The following XKR9 variants were observed in gnomAD, a reference collection of about 807,000 sequenced individuals.
The protein encoded by XKR9 is XK related 9.
In XKR9, 32 loss-of-function variants were observed where a neutral mutation model predicts 32.0. That is an observed-to-expected ratio of 1.00 (90% CI 0.76 to 1.34). The LOEUF (loss-of-function observed/expected upper bound fraction) is 1.34. Ranked by LOEUF, XKR9 falls within the 40% of genes most tolerant of loss-of-function variation. The pLI is 0.00. For synonymous variants in XKR9, 168 were observed against 143.4 expected (o/e 1.17, Z -1.22); for missense variants, 546 against 429.7 (o/e 1.27, Z -2.39).
the XKR9 span, among the ~76,000 whole-genome samples, chr8:71,049,812 C>A: frequency 6.6e-6 from 1 of 151,988 alleles, no homozygotes; most frequent in Non-Finnish European, 1.5e-5. Context: ...GGGAGGGCCT[C>A]CCAGGCAAGA....
At chr8:70,731,034 A>G (rs1458607912) in intron 4 of XKR9, among the ~76,000 whole-genome samples, 1 of 152,192 alleles carries the variant, frequency 6.6e-6, no homozygotes, top group African/African-American at 2.4e-5. Context: ...TCCCACAGCA[A>G]AGTTTGTAAC....
the XKR9 span, among the ~76,000 whole-genome samples, chr8:71,050,754 T>C: frequency 4.6e-5 from 7 of 152,242 alleles, no homozygotes; most frequent in East Asian, 1.2e-3. Flanking sequence ...GCGTAGTAAA[T>C]GAAATCTACT....
chr8:70,755,956 A>G (rs377081851), intron 2 of XKR9, among the ~76,000 whole-genome samples: 1 of 152,172 alleles, frequency 6.6e-6, no homozygotes, highest in African/African-American at 2.4e-5. Context: ...CAAAAAGGTC[A>G]TAAAGATTTG....
chr8:70,969,047 C>A, the XKR9 span, among the ~76,000 whole-genome samples: 1 of 152,154 alleles, frequency 6.6e-6, no homozygotes, highest in Non-Finnish European at 1.5e-5. Context: ...AGACAGAGTA[C>A]AATTTCATAA....
At chr8:70,780,666 C>CAGAACTATG (rs1453777012) in intron 2 of XKR9, among the ~76,000 whole-genome samples, 1 of 152,192 alleles carries the variant, frequency 6.6e-6, no homozygotes, top group African/African-American at 2.4e-5. Flanking sequence ...TTCTAGCCTC[C>CAGAACTATG]AGAACTATGA....
the XKR9 span, among the ~76,000 whole-genome samples, chr8:70,931,111 T>G: frequency 6.6e-6 from 1 of 150,926 alleles, no homozygotes; most frequent in Non-Finnish European, 1.5e-5. Context: ...ATAGTTGAAC[T>G]ATTTTGAAGA....
chr8:70,860,229 G>A, the XKR9 span, among the ~76,000 whole-genome samples: 2 of 152,060 alleles, frequency 1.3e-5, no homozygotes, highest in Non-Finnish European at 2.9e-5. Flanking sequence ...TTTGGAGGTG[G>A]GGCCTTTGAG....
intron 4 of XKR9, among the ~76,000 whole-genome samples, chr8:70,712,573 A>G (rs2132193103): frequency 6.6e-6 from 1 of 152,246 alleles, no homozygotes; most frequent in Middle Eastern, 3.4e-3. Context: ...GAGTAAAGTT[A>G]CCTACCTGAC....
chr8:70,977,894 ACTTG>A, the XKR9 span, among the ~76,000 whole-genome samples: 2 of 152,058 alleles, frequency 1.3e-5, no homozygotes, highest in African/African-American at 4.8e-5. Flanking sequence ...GTCTCTAAGG[ACTTG>A]CTTTATGAAT....
the XKR9 span, among the ~76,000 whole-genome samples, chr8:70,910,016 C>A: frequency 6.6e-6 from 1 of 151,662 alleles, no homozygotes; most frequent in Non-Finnish European, 1.5e-5. Context: ...CCTGATTTAT[C>A]TTTATATCAT....
the XKR9 span, among the ~76,000 whole-genome samples, chr8:70,817,318 C>T: frequency 6.6e-6 from 1 of 152,092 alleles, no homozygotes; most frequent in Admixed American, 6.6e-5. Flanking sequence ...AGTAACATTT[C>T]TGTGCACCAA....
chr8:70,829,582 G>A, the XKR9 span, among the ~76,000 whole-genome samples: 1 of 152,166 alleles, frequency 6.6e-6, no homozygotes, highest in African/African-American at 2.4e-5. Context: ...CTGAGTAGCT[G>A]GGACTACAGG....
chr8:70,692,558 T>C (rs1461670668), intron 3 of XKR9, among the ~76,000 whole-genome samples: 1 of 151,372 alleles, frequency 6.6e-6, no homozygotes, highest in East Asian at 1.9e-4. Context: ...TGTGCATTTG[T>C]CATAGATGGC....
the XKR9 span, among the ~76,000 whole-genome samples, chr8:70,939,805 T>A: frequency 6.6e-6 from 1 of 152,072 alleles, no homozygotes. Flanking sequence ...AGCTGAGAAT[T>A]CCTGGCAAGG....
At chr8:71,057,321 T>C in the XKR9 span, among the ~76,000 whole-genome samples, 3 of 152,184 alleles carry the variant, frequency 2.0e-5, no homozygotes, top group African/African-American at 7.2e-5. Flanking sequence ...TGTGCATCCA[T>C]GTCATCTGCT....
chr8:70,993,010 C>G, the XKR9 span, among the ~76,000 whole-genome samples: 199 of 152,348 alleles, frequency 1.3e-3, no homozygotes, highest in Admixed American at 2.2e-3. Context: ...CAAATGCTTT[C>G]TGCAGTTATT....
the XKR9 span, among the ~76,000 whole-genome samples, chr8:70,903,808 A>G: frequency 9.9e-5 from 15 of 151,874 alleles, no homozygotes; most frequent in Non-Finnish European, 1.8e-4. Context: ...ACACTGCTCT[A>G]AATATGTCCC....
At chr8:70,728,341 A>C (rs1806546483) in intron 4 of XKR9, among the ~76,000 whole-genome samples, 1 of 152,230 alleles carries the variant, frequency 6.6e-6, no homozygotes, top group South Asian at 2.1e-4. Context: ...TCAGGGGCAT[A>C]GTGGGGGTAG....
At chr8:70,914,955 A>T in the XKR9 span, among the ~76,000 whole-genome samples, 53 of 152,324 alleles carry the variant, frequency 3.5e-4, no homozygotes, top group African/African-American at 1.3e-3. Context: ...AACTGGAGTT[A>T]TTATTCAAAA....
Sources: gnomAD v4.1 joint callset for allele counts (sites outside exome capture counted in the v4.1 genomes callset) on GRCh38, gnomAD v4.1.1 for gene constraint, MANE v1.5 for transcripts, NCBI Gene and HGNC (gene_info 2026-07-23, HGNC 2026-07-21) for gene names.